PTPA: variants seen among roughly 807,000 people sequenced by gnomAD.
PTPA encodes the protein protein phosphatase 2 phosphatase activator.
PTPA carries 13 observed loss-of-function variants against 43.6 expected under a neutral mutation model. The ratio of observed to expected loss-of-function variants is 0.30; its 90% CI spans 0.19 to 0.47. The LOEUF is 0.47. Ranked by LOEUF, PTPA falls within the 20% of genes least tolerant of loss-of-function variation. The probability of loss-of-function intolerance (pLI) is 0.99; values close to 1 mark genes in which losing one functional copy is unlikely to be tolerated. For missense variants in PTPA, 329 were observed against 411.9 expected (o/e 0.80, Z 1.74); for synonymous variants, 172 against 158.2 (o/e 1.09, Z -0.66).
intron 9 of PTPA, among the ~76,000 whole-genome samples, chr9:129,146,601 C>G (rs1278528628): frequency 6.6e-6 from 1 of 152,208 alleles, no homozygotes; most frequent in Non-Finnish European, 1.5e-5. Flanking sequence ...ATCCAACCCT[C>G]GCATGCCCAG....
chr9:129,144,568 C>T (rs572719972), intron 9 of PTPA, among the ~76,000 whole-genome samples: 3 of 151,768 alleles, frequency 2.0e-5, no homozygotes, highest in Admixed American at 6.6e-5. Flanking sequence ...GAAACCCCGT[C>T]TCTACTAAAA....
chr9:129,136,077 C>T (rs921227940), intron 6 of PTPA, among the ~76,000 whole-genome samples: 1 of 152,176 alleles, frequency 6.6e-6, no homozygotes, highest in Admixed American at 6.6e-5. Context: ...ATGCCATTCT[C>T]CTGCCTCAGC....
intron 3 of PTPA, among the ~76,000 whole-genome samples, chr9:129,124,285 C>T (rs962989330): frequency 1.3e-5 from 2 of 152,162 alleles, no homozygotes; most frequent in African/African-American, 2.4e-5. Context: ...CTCAAGCAGT[C>T]CTCCTGCCTT....
In PTPA at chr9:129,131,509, C is replaced by T. The variant is rs1449151640; in HGVS notation, c.343-13C>T. On this transcript the variant is annotated splice_polypyrimidine_tract_variant and intron_variant, in intron 4 of 9. Coordinates refer to ENST00000393370, the MANE Select transcript of PTPA (RefSeq NM_178000.3). ...AATATGCTGCCACCACTTTGTGTCTCTTGTGTTACCAGGAAGCAGAAAACT... is the reference window on the plus strand; with the variant it reads ...AATATGCTGCCACCACTTTGTGTCTTTTGTGTTACCAGGAAGCAGAAAACT... 2 of 1,611,846 alleles carry T rather than the reference C, an allele frequency of 1.2e-6. No homozygotes were observed. The highest frequency in any genetic ancestry group is 1.7e-5 in the Admixed American group (1 of 60,006).
intron 6 of PTPA, 31 bp downstream of exon 6, chr9:129,134,925 G>A (rs772349010): frequency 6.4e-6 from 10 of 1,565,836 alleles, no homozygotes; most frequent in Non-Finnish European, 8.8e-6. Flanking sequence ...GTTGGAGGAG[G>A]GGGCGTGAGG....
At chr9:129,131,478 C>A (rs374153258) in intron 4 of PTPA, 44 bp from the exon 5 acceptor site, 126 of 1,578,476 alleles carry the variant, frequency 8.0e-5, no homozygotes, top group Admixed American at 1.5e-4. Context: ...CACTGGGATG[C>A]TGCTTAATAT....
intron 5 of PTPA, 92 bp from the exon 6 acceptor site, chr9:129,134,703 G>A: frequency 1.0e-6 from 1 of 1,001,408 alleles, no homozygotes; most frequent in Admixed American, 2.1e-5. Context: ...TCCTCAGAGG[G>A]GCACTTATCA....
In PTPA at chr9:129,138,545, C is replaced by T. The variant is rs376402139; in HGVS notation, c.786+853C>T. 1.6e-4 allele frequency among the ~76,000 whole-genome samples: 25 copies of T among 152,260 alleles called. No individual in the cohort carries two copies. In the South Asian group the frequency reaches 4.8e-3, roughly 29 times the overall value. On this transcript the variant is annotated intron_variant, in intron 8 of 9. Transcript: ENST00000393370. The stretch of plus-strand genomic sequence containing the variant: ...TCCCCATGCCCCAGTTTCCAAAGGG[C>T]GCCCTCGCTCAGCTATCTGGAGAGG...
rs557336505 is a variant in PTPA at position 129,132,303 on chromosome 9, T to G, written c.460+664T>G. On this transcript the variant is annotated intron_variant, in intron 5 of 9. Coordinates refer to ENST00000393370, the MANE Select transcript of PTPA (RefSeq NM_178000.3). ...ACGTAGCAAGACTCCATCTCTTTTT[T>G]AAAAATTTATTTTAAGTTATTTTTA... 2.0e-5 allele frequency among the ~76,000 whole-genome samples: 3 copies of G among 152,248 alleles called. No homozygotes were observed. In the South Asian group the frequency reaches 6.2e-4, roughly 32 times the overall value.
At chr9:129,124,162 T>G (rs939009888) in intron 3 of PTPA, among the ~76,000 whole-genome samples, 18 of 152,154 alleles carry the variant, frequency 1.2e-4, no homozygotes, top group African/African-American at 4.3e-4. Flanking sequence ...AAGCAAGAGC[T>G]TCTCTTCTCC....
chr9:129,142,237 T>C (rs17486492), intron 8 of PTPA: 1 of 457,894 alleles, frequency 2.2e-6, no homozygotes, highest in Non-Finnish European at 3.8e-6. Context: ...AGGGGAACCT[T>C]GTCTCTGGCA....
At chr9:129,116,239 C>T (rs1000737854) in intron 1 of PTPA, among the ~76,000 whole-genome samples, 8 of 151,886 alleles carry the variant, frequency 5.3e-5, no homozygotes, top group Non-Finnish European at 1.2e-4. Flanking sequence ...GGCTGGAGTG[C>T]AGTGGCGCGA....
intron 5 of PTPA, 115 bp downstream of exon 5, chr9:129,131,754 A>T: frequency 1.9e-6 from 2 of 1,040,592 alleles, no homozygotes; most frequent in Non-Finnish European, 2.9e-6. Context: ...TTCGCCAAGC[A>T]CCTGCAACCT....
chr9:129,137,425 C>T (rs935117677), intron 7 of PTPA, among the ~76,000 whole-genome samples, 167 bp from the exon 8 acceptor site: 14 of 152,354 alleles, frequency 9.2e-5, no homozygotes, highest in African/African-American at 3.1e-4. Context: ...TAGAGCTTAG[C>T]ACATTAGAAT....
chr9:129,122,067 G>T (rs1480813783), intron 2 of PTPA, among the ~76,000 whole-genome samples: 1 of 152,098 alleles, frequency 6.6e-6, no homozygotes, highest in African/African-American at 2.4e-5. Flanking sequence ...GGAGTCACTT[G>T]TTCCCAGCAA....
At chr9:129,143,453 T>C in intron 9 of PTPA, 1 of 702,888 alleles carries the variant, frequency 1.4e-6, no homozygotes, top group African/African-American at 1.7e-5. Flanking sequence ...GGCCTTCTCT[T>C]CTGGGAAGGG....
chr9:129,133,746 C>T (rs1055211973), intron 5 of PTPA, among the ~76,000 whole-genome samples: 12 of 152,218 alleles, frequency 7.9e-5, no homozygotes, highest in Non-Finnish European at 1.5e-4. Context: ...GAGCTCTTTC[C>T]TATGGCCAAA....
In PTPA at chr9:129,147,284, C is replaced by T. The variant is rs985278974; in HGVS notation, c.895-103C>T. ...GGGGGATCCCCTGGCGGGGCTACTT[C>T]CTGGGCCCGGGATGGACACCTGGGA... is the stretch of plus-strand genomic sequence containing the variant. On this transcript the variant is annotated intron_variant, in intron 9 of 9. Transcript: ENST00000393370. 2.0e-5 allele frequency: 24 copies of T among 1,194,512 alleles called. No homozygotes were observed. In the Admixed American group the frequency reaches 3.6e-4, roughly 18 times the overall value. The allele number at this position is 1,194,512 out of a possible 1,614,324, so 74.0% of individuals were successfully genotyped here.
chr9:129,123,252 T>C, intron 3 of PTPA, 114 bp downstream of exon 3: 1 of 824,656 alleles, frequency 1.2e-6, no homozygotes, highest in Non-Finnish European at 2.0e-6. Context: ...GGCAGGCGGC[T>C]CACGAGGTCA....
Sources: gnomAD v4.1 joint callset for allele counts (sites outside exome capture counted in the v4.1 genomes callset) on GRCh38, gnomAD v4.1.1 for gene constraint, MANE v1.5 for transcripts, NCBI Gene and HGNC (gene_info 2026-07-23, HGNC 2026-07-21) for gene names.